Variants in C12orf76 observed in about 807,000 individuals in gnomAD.
C12orf76 encodes uncharacterized protein C12orf76.
Under a neutral mutation model 6.8 loss-of-function variants are expected in C12orf76, and 6 were observed. That is an observed-to-expected ratio of 0.88 (90% confidence interval 0.48 to 1.73). The LOEUF (loss-of-function observed/expected upper bound fraction) is 1.73. Among genes scored for constraint, C12orf76 ranks in the 40% most tolerant of loss-of-function variants. The probability of loss-of-function intolerance (pLI) is 0.01; values close to 1 mark genes in which losing one functional copy is unlikely to be tolerated. For missense variants in C12orf76, 99 were observed against 98.2 expected, an observed-to-expected ratio of 1.01 and a Z score of -0.03; for synonymous variants, 56 against 43.7, an observed-to-expected ratio of 1.28 and a Z score of -1.11.
chr12:110,052,060 T>C (rs188240061), upstream of C12orf76, among the ~76,000 whole-genome samples: 52 of 151,028 alleles, frequency 3.4e-4, no homozygotes, highest in African/African-American at 1.2e-3. Flanking sequence ...GCCTGGCTAA[T>C]TTTTTGTATT....
intron 1 of C12orf76, among the ~76,000 whole-genome samples, chr12:110,043,874 A>C (rs3077486): frequency 1.6e-4 from 16 of 98,162 alleles, no homozygotes; most frequent in Admixed American, 9.3e-4. Context: ...CAAAAACAAA[A>C]AAAAAAATGT....
At chr12:110,051,870 T>TGCTTTATCA (rs1892581340), upstream of C12orf76, among the ~76,000 whole-genome samples, 1 of 151,550 alleles carries the variant, frequency 6.6e-6, no homozygotes, top group Non-Finnish European at 1.5e-5. Context: ...AACACCCACC[T>TGCTTTATCA]GCTTTATCAA....
chr12:110,051,946 C>T (rs939435856), upstream of C12orf76, among the ~76,000 whole-genome samples: 1 of 130,716 alleles, frequency 7.7e-6, no homozygotes, highest in African/African-American at 2.8e-5. Context: ...GAGTCTCACT[C>T]TGTCGCCCAG....
chr12:110,072,215 G>C (rs10849701), upstream of C12orf76, among the ~76,000 whole-genome samples: 150,940 of 151,978 alleles, frequency 0.99, 74,957 homozygotes, highest in Middle Eastern at 1. Context: ...TTGCATGAGT[G>C]CTGGAGTTTG....
chr12:110,061,064 G>C (rs1210050309), intron 2 of C12orf76, among the ~76,000 whole-genome samples: 1 of 142,702 alleles, frequency 7.0e-6, no homozygotes, highest in Admixed American at 7.2e-5. Flanking sequence ...CTCTGTGGGG[G>C]AGACCAGAGA....
chr12:110,042,648 G>A lies in C12orf76; in HGVS notation c.134-189C>T, dbSNP rs185999844. 3.0e-4 allele frequency: 207 copies of A among 700,368 alleles called. No homozygotes were observed. In the African/African-American group the frequency reaches 3.1e-3, roughly 10 times the overall value. The allele number at this position is 700,368 out of a possible 1,614,324, so 43.4% of individuals were successfully genotyped here. On this transcript the variant is annotated intron_variant, in intron 1 of 1. Transcript: ENST00000615315. Reference sequence around the variant, plus strand: ...TTGGGGGAGAAACAAACAGATGAGAGCATTTCACATAGCTTGATATACCGT... The same window carrying A: ...TTGGGGGAGAAACAAACAGATGAGAACATTTCACATAGCTTGATATACCGT...
chr12:110,072,968 A>T (rs1371981717), intron 1 of C12orf76, among the ~76,000 whole-genome samples: 1 of 151,936 alleles, frequency 6.6e-6, no homozygotes. Flanking sequence ...AAAAGAAAAA[A>T]GAAAAGAAAA....
chr12:110,068,296 AAGAAG>A (rs1892910788), upstream of C12orf76, among the ~76,000 whole-genome samples: 2 of 146,156 alleles, frequency 1.4e-5, no homozygotes, highest in Non-Finnish European at 3.1e-5. Flanking sequence ...GAAGAAGAAG[AAGAAG>A]AAGAAGAAGA....
At chr12:110,046,055 AGTC>A (rs1191173166) in intron 1 of C12orf76, 2 of 157,038 alleles carry the variant, frequency 1.3e-5, no homozygotes, top group Admixed American at 6.3e-5. Flanking sequence ...CAATTCTCCC[AGTC>A]GTCATCTTTT....
At chr12:110,047,161 G>A (rs997741102) in intron 1 of C12orf76, among the ~76,000 whole-genome samples, 3 of 152,120 alleles carry the variant, frequency 2.0e-5, no homozygotes, top group African/African-American at 7.2e-5. Context: ...AGACTTTGGC[G>A]AGGGGCAGAT....
intron 1 of C12orf76, chr12:110,067,398 A>T: frequency 5.1e-6 from 5 of 985,336 alleles, no homozygotes; most frequent in Non-Finnish European, 6.0e-6. Flanking sequence ...AGCCCAGACA[A>T]GCCAGGACTA....
At chr12:110,045,710 G>A (rs182986787) in intron 1 of C12orf76, among the ~76,000 whole-genome samples, 8 of 152,322 alleles carry the variant, frequency 5.3e-5, no homozygotes, top group Non-Finnish European at 1.0e-4. Flanking sequence ...TGTAATGCCA[G>A]CACTTTGGGA....
chr12:110,063,435 A>G (rs1449125219), intron 2 of C12orf76, among the ~76,000 whole-genome samples: 1 of 146,952 alleles, frequency 6.8e-6, no homozygotes. Context: ...GGTGCCTACC[A>G]CTACGCCTGG....
chr12:110,069,771 A>G (rs1382299969), upstream of C12orf76, among the ~76,000 whole-genome samples: 8 of 152,176 alleles, frequency 5.3e-5, no homozygotes, highest in Admixed American at 5.2e-4. Flanking sequence ...ACTCCAGGGA[A>G]CCCAGTTGCT....
intron 2 of C12orf76, among the ~76,000 whole-genome samples, chr12:110,063,174 A>G (rs146584500): frequency 0.012 from 1,794 of 151,998 alleles, 51 homozygotes; most frequent in African/African-American, 0.041. Flanking sequence ...TCCTGACCTC[A>G]AGTGATCCGC....
chr12:110,043,859 A>G (rs1892379733), intron 1 of C12orf76, among the ~76,000 whole-genome samples: 1 of 35,364 alleles, frequency 2.8e-5, no homozygotes, highest in Non-Finnish European at 5.3e-5. Flanking sequence ...TGTCTCAAAA[A>G]AAAACAAAAA....
intron 4 of C12orf76, among the ~76,000 whole-genome samples, chr12:110,055,214 CTT>C (rs1202961460): frequency 1.9e-4 from 25 of 133,498 alleles, no homozygotes; most frequent in Non-Finnish European, 1.9e-4. Flanking sequence ...TGAGACGAAG[CTT>C]TTTTTTTTTT....
intron 3 of C12orf76, among the ~76,000 whole-genome samples, chr12:110,058,490 C>T (rs1011168638): frequency 6.6e-6 from 1 of 152,128 alleles, no homozygotes; most frequent in African/African-American, 2.4e-5. Context: ...ATGGCGGAAA[C>T]CCTGTCTCTA....
intron 2 of C12orf76, chr12:110,059,189 A>T: frequency 6.5e-7 from 1 of 1,535,580 alleles, no homozygotes; most frequent in Non-Finnish European, 8.8e-7. Flanking sequence ...ATGCACACAC[A>T]CAATTAATTT....
Sources: allele counts gnomAD v4.1 joint callset (sites outside exome capture counted in the v4.1 genomes callset), GRCh38; gene constraint gnomAD v4.1.1; transcripts MANE v1.5; gene names NCBI Gene and HGNC (gene_info 2026-07-23, HGNC 2026-07-21).